The following SGCZ variants were observed in gnomAD, a reference collection of about 807,000 sequenced individuals.
SGCZ encodes the protein zeta-sarcoglycan.
In SGCZ, 40 loss-of-function variants were observed where a neutral mutation model predicts 41.3. The observed-to-expected ratio is 0.97, with a 90% CI of 0.75 to 1.26. The LOEUF (loss-of-function observed/expected upper bound fraction) is 1.26, where lower values mean the gene tolerates loss of function less well. Ranked by LOEUF, SGCZ falls within the 50% of genes most tolerant of loss-of-function variation. SGCZ has a pLI of 0.00. For synonymous variants in SGCZ, 206 were observed against 137.5 expected (o/e 1.50, Z -3.49); for missense variants, 552 against 369.8 (o/e 1.49, Z -4.04).
intron 3 of SGCZ, among the ~76,000 whole-genome samples, chr8:14,311,294 G>A (rs769057568): frequency 2.0e-5 from 3 of 152,048 alleles, no homozygotes; most frequent in Non-Finnish European, 4.4e-5. Flanking sequence ...TTAACTGATA[G>A]AAACAACTTC....
intron 1 of SGCZ, among the ~76,000 whole-genome samples, chr8:14,763,324 G>A (rs915457598): frequency 2.6e-5 from 4 of 152,004 alleles, no homozygotes; most frequent in Admixed American, 6.6e-5. Flanking sequence ...TAATACGGTG[G>A]ACAAAGCCCA....
intron 2 of SGCZ, among the ~76,000 whole-genome samples, chr8:14,390,494 G>T (rs927139682): frequency 6.6e-6 from 1 of 151,256 alleles, no homozygotes; most frequent in Non-Finnish European, 1.5e-5. Context: ...TAAACACAGA[G>T]GATAAATTCC....
intron 1 of SGCZ, among the ~76,000 whole-genome samples, chr8:14,794,029 CT>C (rs1050205539): frequency 6.6e-6 from 1 of 152,042 alleles, no homozygotes; most frequent in African/African-American, 2.4e-5. Flanking sequence ...ATATGATGTC[CT>C]AATAAAGAAG....
intron 1 of SGCZ, among the ~76,000 whole-genome samples, chr8:14,887,385 T>A (rs761140056): frequency 2.6e-5 from 4 of 152,176 alleles, no homozygotes; most frequent in Admixed American, 1.3e-4. Flanking sequence ...CTGTGCCAAT[T>A]TTTCTGACTG....
intron 1 of SGCZ, among the ~76,000 whole-genome samples, chr8:14,654,288 G>A (rs1324280137): frequency 6.6e-6 from 1 of 151,470 alleles, no homozygotes; most frequent in South Asian, 2.1e-4. Flanking sequence ...AGCCCACCTC[G>A]GGAGGAATCC....
intron 2 of SGCZ, among the ~76,000 whole-genome samples, chr8:14,345,802 T>C (rs924428356): frequency 9.2e-5 from 14 of 152,124 alleles, no homozygotes; most frequent in African/African-American, 2.4e-4. Context: ...ATCATGATTC[T>C]AGACCAAACT....
At chr8:14,766,248 TG>T (rs1327416176) in intron 1 of SGCZ, among the ~76,000 whole-genome samples, 1 of 151,874 alleles carries the variant, frequency 6.6e-6, no homozygotes, top group Non-Finnish European at 1.5e-5. Flanking sequence ...GCATGAGGCA[TG>T]GCCCCCAGCC....
intron 1 of SGCZ, among the ~76,000 whole-genome samples, chr8:14,651,756 T>C (rs1455898904): frequency 1.3e-5 from 2 of 152,098 alleles, no homozygotes; most frequent in Admixed American, 6.6e-5. Flanking sequence ...ACTTCAAATA[T>C]TGTGTTTCTA....
chr8:14,493,162 G>A (rs1444652812), intron 2 of SGCZ, among the ~76,000 whole-genome samples: 1 of 151,756 alleles, frequency 6.6e-6, no homozygotes, highest in Non-Finnish European at 1.5e-5. Flanking sequence ...ATTGGTAATC[G>A]GATGAATATC....
chr8:14,620,101 A>C (rs1005670257), intron 1 of SGCZ, among the ~76,000 whole-genome samples: 3 of 152,174 alleles, frequency 2.0e-5, no homozygotes, highest in African/African-American at 7.2e-5. Context: ...GATATAGACC[A>C]ATGGAACAGA....
At position 14,728,910 on chromosome 8, in the gene SGCZ, G is replaced by A. The variant is rs554671524; in HGVS notation, c.40-173984C>T. Among the ~76,000 whole-genome samples, 156 of 152,272 alleles carry A rather than the reference G, an allele frequency of 1.0e-3. 2 individuals carry two copies. The highest frequency in any genetic ancestry group is 3.6e-3 in the African/African-American group (150 of 41,550). Reference sequence around the variant, plus strand: ...AGTTTTAGAAGTAATTTTATAGGAAGCATTTGAATGTTAAACATTATCATG... The same window carrying A: ...AGTTTTAGAAGTAATTTTATAGGAAACATTTGAATGTTAAACATTATCATG... On this transcript the variant is annotated intron_variant, in intron 1 of 7. Transcript: ENST00000382080.
chr8:14,301,272 A>T (rs1242554220), intron 3 of SGCZ, among the ~76,000 whole-genome samples: 1 of 152,004 alleles, frequency 6.6e-6, no homozygotes, highest in African/African-American at 2.4e-5. Context: ...CTCTTTATAG[A>T]ATCTCCTCTT....
intron 1 of SGCZ, among the ~76,000 whole-genome samples, chr8:15,075,225 CA>C (rs11317842): frequency 0.74 from 111,026 of 149,496 alleles, 41,937 homozygotes; most frequent in East Asian, 0.87. Flanking sequence ...AGTAGTCAGA[CA>C]AAAAAAAAAA....
chr8:14,561,102 T>G (rs1442873195), intron 1 of SGCZ, among the ~76,000 whole-genome samples: 1 of 152,106 alleles, frequency 6.6e-6, no homozygotes, highest in Non-Finnish European at 1.5e-5. Flanking sequence ...AGTGGCTGTT[T>G]TAGTGCAATA....
chr8:15,064,409 C>T (rs1480203036), intron 1 of SGCZ, among the ~76,000 whole-genome samples: 1 of 152,044 alleles, frequency 6.6e-6, no homozygotes, highest in Non-Finnish European at 1.5e-5. Context: ...CAACTGAAAT[C>T]GATCCAGTAG....
intron 7 of SGCZ, among the ~76,000 whole-genome samples, chr8:14,102,105 A>ATAAT (rs1802047693): frequency 4.6e-4 from 20 of 43,838 alleles, no homozygotes; most frequent in African/African-American, 2.0e-3. Flanking sequence ...TATATATATA[A>ATAAT]TTTTTTTTTT....
chr8:14,971,645 CTTTT>C (rs11456903), intron 1 of SGCZ, among the ~76,000 whole-genome samples: 1 of 114,682 alleles, frequency 8.7e-6, no homozygotes. Flanking sequence ...ATTTTATATA[CTTTT>C]TTTTTTTTTT....
intron 2 of SGCZ, among the ~76,000 whole-genome samples, chr8:14,326,240 T>C (rs1333428568): frequency 6.6e-6 from 1 of 151,798 alleles, no homozygotes; most frequent in Admixed American, 6.6e-5. Context: ...GTCAATGGGT[T>C]GGGAAAATAT....
At chr8:14,244,063 T>C (rs1454121190) in intron 3 of SGCZ, among the ~76,000 whole-genome samples, 1 of 152,142 alleles carries the variant, frequency 6.6e-6, no homozygotes, top group Non-Finnish European at 1.5e-5. Context: ...CATTACAAGA[T>C]CCAGGCTACA....
Sources: allele counts gnomAD v4.1 joint callset (sites outside exome capture counted in the v4.1 genomes callset), GRCh38; gene constraint gnomAD v4.1.1; transcripts MANE v1.5; gene names NCBI Gene and HGNC (gene_info 2026-07-23, HGNC 2026-07-21).